The following UNC5D variants were observed in gnomAD, a reference collection of about 807,000 sequenced individuals.
UNC5D encodes unc-5 netrin receptor D, also known as netrin receptor UNC5D.
In UNC5D, 39 loss-of-function variants were observed where a neutral mutation model predicts 105.4. The observed-to-expected ratio is 0.37, with a 90% CI of 0.29 to 0.48. UNC5D has a LOEUF of 0.48. UNC5D is among the 20% of genes least tolerant of loss of function. The pLI, the probability that UNC5D is intolerant of heterozygous loss-of-function variation, is 0.98. For missense variants in UNC5D, 991 were observed against 1,202.4 expected (o/e 0.82, Z 2.60); for synonymous variants, 452 against 450.4 (o/e 1.00, Z -0.04).
chr8:35,691,458 T>C (rs1826385189), intron 7 of UNC5D, among the ~76,000 whole-genome samples: 1 of 152,072 alleles, frequency 6.6e-6, no homozygotes, highest in African/African-American at 2.4e-5. Flanking sequence ...CTGCACTCCA[T>C]CCTGGCTGAC....
intron 4 of UNC5D, among the ~76,000 whole-genome samples, chr8:35,651,041 A>C (rs527746967): frequency 1.3e-5 from 2 of 152,304 alleles, no homozygotes; most frequent in Admixed American, 1.3e-4. Flanking sequence ...AGATGATGGG[A>C]TATTCATGGG....
At chr8:35,406,548 G>T (rs1454909092) in intron 1 of UNC5D, among the ~76,000 whole-genome samples, 1 of 152,144 alleles carries the variant, frequency 6.6e-6, no homozygotes, top group Non-Finnish European at 1.5e-5. Context: ...GTCTAAAGAA[G>T]TTCAAAGAGT....
At chr8:35,389,476 G>T (rs1803634264) in intron 1 of UNC5D, among the ~76,000 whole-genome samples, 1 of 151,992 alleles carries the variant, frequency 6.6e-6, no homozygotes, top group African/African-American at 2.4e-5. Flanking sequence ...TCTTTTGTTT[G>T]GAAAACAATA....
intron 1 of UNC5D, among the ~76,000 whole-genome samples, chr8:35,444,159 T>C (rs1358099418): frequency 6.6e-6 from 1 of 151,998 alleles, no homozygotes; most frequent in Non-Finnish European, 1.5e-5. Context: ...TTGGCAGTCA[T>C]TACTGAAAGA....
At chr8:35,373,825 A>G (rs185316100) in intron 1 of UNC5D, among the ~76,000 whole-genome samples, 7 of 152,280 alleles carry the variant, frequency 4.6e-5, no homozygotes, top group African/African-American at 1.4e-4. Context: ...TTATTACAGA[A>G]AAATGGTGTT....
At chr8:35,283,340 T>G (rs1401144710) in intron 1 of UNC5D, among the ~76,000 whole-genome samples, 1 of 152,204 alleles carries the variant, frequency 6.6e-6, no homozygotes, top group East Asian at 1.9e-4. Context: ...AGCAGGCCAC[T>G]TCCTCTAATT....
At chr8:35,733,381 A>G (rs951516342) in intron 11 of UNC5D, among the ~76,000 whole-genome samples, 10 of 152,130 alleles carry the variant, frequency 6.6e-5, no homozygotes, top group African/African-American at 2.2e-4. Context: ...CCAGTGTGTC[A>G]CCTTTTCTTT....
At chr8:35,391,757 G>A (rs531025005) in intron 1 of UNC5D, among the ~76,000 whole-genome samples, 2 of 152,278 alleles carry the variant, frequency 1.3e-5, no homozygotes, top group Non-Finnish European at 2.9e-5. Context: ...GGCAAGTCTC[G>A]CAAAGTGAGG....
At chr8:35,689,023 C>G (rs1312243641) in intron 7 of UNC5D, among the ~76,000 whole-genome samples, 1 of 152,200 alleles carries the variant, frequency 6.6e-6, no homozygotes, top group Non-Finnish European at 1.5e-5. Context: ...TAAATTAGTA[C>G]AGTTGGGCAG....
chr8:35,550,127 T>C (rs929095192), intron 2 of UNC5D, among the ~76,000 whole-genome samples: 6 of 152,238 alleles, frequency 3.9e-5, no homozygotes, highest in African/African-American at 7.2e-5. Flanking sequence ...TACTAGCTAA[T>C]GCATATTGAC....
At chr8:35,279,382 A>G (rs1195847393) in intron 1 of UNC5D, among the ~76,000 whole-genome samples, 1 of 152,250 alleles carries the variant, frequency 6.6e-6, no homozygotes, top group Admixed American at 6.5e-5. Context: ...TGGGAATAGG[A>G]ACCAGCTGTT....
At position 35,767,750 on chromosome 8, in the gene UNC5D, C is replaced by G. The variant is rs184150011; in HGVS notation, c.2478+684C>G. On this transcript the variant is annotated intron_variant, in intron 15 of 16. Coordinates refer to ENST00000404895, the MANE Select transcript of UNC5D (RefSeq NM_080872.4). The stretch of plus-strand genomic sequence containing the variant: ...GGAAGGTAGAGTTACAAGTAGCAGT[C>G]AAGGGAGGATTCACTGGAGAACTTT... Among the ~76,000 whole-genome samples, 22 of 152,254 alleles carry G rather than the reference C, an allele frequency of 1.4e-4. No homozygotes were observed. The East Asian group carries it at 4.2e-3, about 29-fold the overall frequency.
At chr8:35,782,849 A>G (rs1177535289) in intron 16 of UNC5D, among the ~76,000 whole-genome samples, 1 of 152,112 alleles carries the variant, frequency 6.6e-6, no homozygotes, top group Non-Finnish European at 1.5e-5. Flanking sequence ...AATTAAAAAC[A>G]GTGGCCAGGC....
intron 4 of UNC5D, among the ~76,000 whole-genome samples, chr8:35,639,241 G>A (rs1463534922): frequency 6.6e-6 from 1 of 152,192 alleles, no homozygotes; most frequent in Non-Finnish European, 1.5e-5. Flanking sequence ...GAACCAAGGG[G>A]CAGGGCGACC....
intron 4 of UNC5D, among the ~76,000 whole-genome samples, chr8:35,665,598 C>T (rs1243977633): frequency 6.6e-6 from 1 of 151,080 alleles, no homozygotes. Flanking sequence ...GTTTTATTTT[C>T]AACCTCCCAA....
chr8:35,633,014 G>A (rs1367420228), intron 4 of UNC5D, among the ~76,000 whole-genome samples: 1 of 152,136 alleles, frequency 6.6e-6, no homozygotes, highest in Non-Finnish European at 1.5e-5. Context: ...AGTTGTCAGG[G>A]ACCAACTTGC....
At chr8:35,468,031 A>G (rs1461227498) in intron 1 of UNC5D, among the ~76,000 whole-genome samples, 3 of 152,178 alleles carry the variant, frequency 2.0e-5, no homozygotes, top group Non-Finnish European at 4.4e-5. Context: ...CTTTTTCCGT[A>G]AGGATAACAC....
chr8:35,353,324 T>C (rs1000413039), intron 1 of UNC5D, among the ~76,000 whole-genome samples: 10 of 152,170 alleles, frequency 6.6e-5, no homozygotes, highest in Admixed American at 2.6e-4. Context: ...AGTTAGAGTT[T>C]GAGAATTACC....
chr8:35,267,254 G>A (rs1439368466), intron 1 of UNC5D, among the ~76,000 whole-genome samples: 3 of 152,050 alleles, frequency 2.0e-5, no homozygotes, highest in Non-Finnish European at 4.4e-5. Context: ...CCTACATGAA[G>A]TTTATCTATT....
Sources: gnomAD v4.1 joint callset for allele counts (sites outside exome capture counted in the v4.1 genomes callset) on GRCh38, gnomAD v4.1.1 for gene constraint, MANE v1.5 for transcripts, NCBI Gene and HGNC (gene_info 2026-07-23, HGNC 2026-07-21) for gene names.